The following SLC24A4 variants were observed in gnomAD, a reference collection of about 807,000 sequenced individuals.
SLC24A4 encodes the protein sodium/potassium/calcium exchanger 4.
Under a neutral mutation model 79.0 loss-of-function variants are expected in SLC24A4, and 53 were observed. The ratio of observed to expected loss-of-function variants is 0.67; its 90% confidence interval spans 0.54 to 0.84. The LOEUF is 0.84. Ranked by LOEUF, SLC24A4 falls within the 40% of genes least tolerant of loss-of-function variation. The pLI is 0.00. For synonymous variants in SLC24A4, 323 were observed against 323.8 expected, an observed-to-expected ratio of 1.00 and a Z score of 0.03; for missense variants, 731 against 822.0, an observed-to-expected ratio of 0.89 and a Z score of 1.35.
At chr14:92,417,329 A>T (rs573374400) in intron 2 of SLC24A4, among the ~76,000 whole-genome samples, 1 of 152,246 alleles carries the variant, frequency 6.6e-6, no homozygotes, top group African/African-American at 2.4e-5. Flanking sequence ...TTAAAAATTT[A>T]AAAAGTTAAA....
intron 8 of SLC24A4, among the ~76,000 whole-genome samples, chr14:92,445,772 C>G (rs958834857): frequency 6.6e-6 from 1 of 152,050 alleles, no homozygotes; most frequent in African/African-American, 2.4e-5. Context: ...CAGATCCCTA[C>G]CTCACACCTT....
chr14:92,481,087 G>A (rs1160553783), intron 12 of SLC24A4, among the ~76,000 whole-genome samples: 2 of 152,206 alleles, frequency 1.3e-5, no homozygotes, highest in Non-Finnish European at 2.9e-5. Context: ...CCAACACTCA[G>A]GCGGGTAGTT....
chr14:92,439,416 G>A lies in SLC24A4; in HGVS notation c.393+7G>A, dbSNP rs747191056. 8 of 1,611,806 alleles carry A rather than the reference G, an allele frequency of 5.0e-6. No individual in the cohort carries two copies. The highest frequency in any genetic ancestry group is 6.8e-6 in the Non-Finnish European group (8 of 1,178,018). On this transcript the variant is annotated splice_region_variant and intron_variant, in intron 4 of 16. Transcript: ENST00000532405. ...TCTAGAGAAGATCTGTGAGGTATGT[G>A]GAAGGGACTTGGGACACCTTGGTGA...
chr14:92,478,314 G>A (rs1321579775), intron 12 of SLC24A4, among the ~76,000 whole-genome samples: 1 of 152,080 alleles, frequency 6.6e-6, no homozygotes, highest in African/African-American at 2.4e-5. Flanking sequence ...TTCAATTTTT[G>A]TGTATGGTAT....
At chr14:92,422,903 TC>T (rs1387658407) in intron 2 of SLC24A4, among the ~76,000 whole-genome samples, 1 of 152,186 alleles carries the variant, frequency 6.6e-6, no homozygotes, top group East Asian at 1.9e-4. Context: ...AGCCTTGACT[TC>T]CTGGGCTCAA....
rs1042848963 is a variant in SLC24A4, at chr14:92,497,572, A to G, written c.*3944A>G. The stretch of plus-strand genomic sequence containing the variant: ...CCTGGGAAAGAGCAAGAGCGAATGA[A>G]TCCCAGCGCCAGCGGCTGAGGCTGC... On this transcript the variant is annotated 3_prime_UTR_variant, in exon 17 of 17. Coordinates refer to ENST00000532405, the MANE Select transcript of SLC24A4 (RefSeq NM_153646.4). 6.6e-6 allele frequency: 1 copy of G among 152,332 alleles called. No homozygotes were observed. Among genetic ancestry groups the G allele is most frequent in the Admixed American group, 6.5e-5 (1 of 15,284 alleles). 9.4% of individuals were successfully genotyped at this position (152,332 alleles called of 1,614,324 possible).
At chr14:92,335,713 G>A (rs919085365) in intron 2 of SLC24A4, among the ~76,000 whole-genome samples, 2 of 152,068 alleles carry the variant, frequency 1.3e-5, no homozygotes, top group African/African-American at 4.8e-5. Flanking sequence ...CTACCATTAT[G>A]GTATCGTACA....
Position 92,367,044 on chromosome 14 carries a change from A to C in SLC24A4, c.241+41066A>C, listed in dbSNP as rs141494328. Among the ~76,000 whole-genome samples the C allele has an allele frequency of 4.1e-3, 631 of 152,264 alleles. 4 individuals are homozygous for C. Among genetic ancestry groups the C allele is most frequent in the African/African-American group, 0.014 (592 of 41,548 alleles). ...GGTGGGACGTTCCAGAAGCGGAGTG[A>C]GGGAGCAGGTGGACACCCCGGGTAC... On this transcript the variant is annotated intron_variant, in intron 2 of 16. Coordinates refer to ENST00000532405, the MANE Select transcript of SLC24A4 (RefSeq NM_153646.4).
rs139477519 is a variant in SLC24A4 at position 92,438,442 on chromosome 14, C to A, written c.319-893C>A. 1.8e-3 allele frequency among the ~76,000 whole-genome samples: 276 copies of A among 151,756 alleles called. 3 individuals are homozygous for A. Among genetic ancestry groups the A allele is most frequent in the African/African-American group, 6.1e-3 (253 of 41,150 alleles). On this transcript the variant is annotated intron_variant, in intron 3 of 16. Coordinates refer to ENST00000532405, the MANE Select transcript of SLC24A4 (RefSeq NM_153646.4). ...AACATAGTGAGACTCCCCCCGCCAT[C>A]TCTACAAAAATAATAATAATAAACA...
At chr14:92,351,823 C>T (rs1886895889) in intron 2 of SLC24A4, among the ~76,000 whole-genome samples, 2 of 151,534 alleles carry the variant, frequency 1.3e-5, no homozygotes, top group Non-Finnish European at 1.5e-5. Flanking sequence ...GAGACTGCAC[C>T]ACTGTACTCC....
rs570746617 is a variant in SLC24A4, at chr14:92,404,981, G to T, written c.242-28931G>T. ...TATACATTTAAATGAAAATAAAAAA[G>T]AAATAGATTTTAAAAAAATACTATT... On this transcript the variant is annotated intron_variant, in intron 2 of 16. Transcript: ENST00000532405. Among the ~76,000 whole-genome samples, 14 of 152,192 alleles carry T rather than the reference G, an allele frequency of 9.2e-5. No homozygotes were observed. The East Asian group carries it at 2.7e-3, about 29-fold the overall frequency.
intron 2 of SLC24A4, among the ~76,000 whole-genome samples, chr14:92,369,365 G>A (rs1392941406): frequency 6.6e-6 from 1 of 152,174 alleles, no homozygotes; most frequent in Non-Finnish European, 1.5e-5. Flanking sequence ...CAGTATGGAT[G>A]TAACCATGAG....
intron 12 of SLC24A4, among the ~76,000 whole-genome samples, chr14:92,467,895 G>GTCC (rs1894210865): frequency 1.3e-5 from 2 of 152,174 alleles, no homozygotes; most frequent in Non-Finnish European, 1.5e-5. Context: ...CAGCCCTGCT[G>GTCC]GACGTAGTGC....
chr14:92,333,238 C>T (rs374985004), intron 2 of SLC24A4, among the ~76,000 whole-genome samples: 56 of 152,202 alleles, frequency 3.7e-4, no homozygotes, highest in East Asian at 9.7e-4. Context: ...GGATTACAGG[C>T]GCCCACCACC....
At chr14:92,456,289 G>T in intron 11 of SLC24A4, 115 bp from the exon 12 acceptor site, 1 of 981,720 alleles carries the variant, frequency 1.0e-6, no homozygotes, top group East Asian at 2.6e-5. Flanking sequence ...CTGTCCCCAG[G>T]GTTGTTGTTC....
intron 2 of SLC24A4, among the ~76,000 whole-genome samples, chr14:92,418,693 G>T (rs1891115815): frequency 6.6e-6 from 1 of 151,866 alleles, no homozygotes; most frequent in Non-Finnish European, 1.5e-5. Context: ...TTTTGTTTTT[G>T]ATTTGTTTTG....
chr14:92,442,239 G>A (rs1892542609), intron 5 of SLC24A4, 66 bp downstream of exon 5: 2 of 1,327,542 alleles, frequency 1.5e-6, no homozygotes, highest in African/African-American at 2.9e-5. Flanking sequence ...AGAGCAGTGG[G>A]GGCATTTGTC....
chr14:92,450,778 C>G (rs973694563), intron 10 of SLC24A4: 1 of 152,612 alleles, frequency 6.6e-6, no homozygotes. Flanking sequence ...CTGAGTCACT[C>G]AGGCCAGTGG....
chr14:92,468,006 C>G (rs1157002476), intron 12 of SLC24A4, among the ~76,000 whole-genome samples: 1 of 152,146 alleles, frequency 6.6e-6, no homozygotes, highest in African/African-American at 2.4e-5. Context: ...TCATGGATGA[C>G]ATAATCTTGT....
Sources: allele counts gnomAD v4.1 joint callset (sites outside exome capture counted in the v4.1 genomes callset), GRCh38; gene constraint gnomAD v4.1.1; transcripts MANE v1.5; gene names NCBI Gene and HGNC (gene_info 2026-07-23, HGNC 2026-07-21).